KCNA2: variants seen among roughly 807,000 people sequenced by gnomAD.
KCNA2 encodes the protein potassium voltage-gated channel subfamily A member 2.
A neutral mutation model predicts 33.4 loss-of-function variants in KCNA2; 11 were observed. The observed-to-expected ratio is 0.33, with a 90% CI of 0.21 to 0.55. The LOEUF is 0.55. KCNA2 is among the 20% of genes least tolerant of loss of function. KCNA2 has a pLI of 0.93. For missense variants in KCNA2, 291 were observed against 621.6 expected, an observed-to-expected ratio of 0.47 and a Z score of 5.66; for synonymous variants, 222 against 231.3, an observed-to-expected ratio of 0.96 and a Z score of 0.37.
chr1:110,613,619 G>C (rs1421327865), intron 1 of KCNA2, among the ~76,000 whole-genome samples: 3 of 152,224 alleles, frequency 2.0e-5, no homozygotes, highest in Admixed American at 2.0e-4. Context: ...GGGGTCAAGA[G>C]GGAAGACCAG....
At chr1:110,623,950 G>T (rs1187960025) in intron 1 of KCNA2, among the ~76,000 whole-genome samples, 6 of 149,626 alleles carry the variant, frequency 4.0e-5, no homozygotes, top group Non-Finnish European at 7.4e-5. Flanking sequence ...AGCACAAAAA[G>T]ATATCACTAC....
At chr1:110,622,903 T>G (rs1650296096) in intron 1 of KCNA2, among the ~76,000 whole-genome samples, 1 of 152,206 alleles carries the variant, frequency 6.6e-6, no homozygotes, top group Non-Finnish European at 1.5e-5. Context: ...TCACTTCTTC[T>G]TAAATTAATC....
chr1:110,597,428 T>C lies in KCNA2; in HGVS notation c.*5855A>G, dbSNP rs992248395. On this transcript the variant is annotated 3_prime_UTR_variant, in exon 3 of 3. Coordinates refer to ENST00000316361, the MANE Select transcript of KCNA2 (RefSeq NM_004974.4). ...AGGTCACACAAACTTAGGATTTTCA[T>C]GCCTAGAGGTTGTAAGGATGCTGTA... 1 of 985,286 alleles carries C rather than the reference T, an allele frequency of 1.0e-6. No individual in the cohort carries two copies. Among genetic ancestry groups the C allele is most frequent in the African/African-American group, 1.7e-5 (1 of 57,200 alleles). 61.0% of individuals were successfully genotyped at this position (985,286 alleles called of 1,614,324 possible).
At chr1:110,608,447 C>T (rs1019614385), upstream of KCNA2, among the ~76,000 whole-genome samples, 3 of 152,178 alleles carry the variant, frequency 2.0e-5, no homozygotes, top group Admixed American at 1.3e-4. Context: ...ACTGGGCCCT[C>T]CCCCCTACCC....
upstream of KCNA2, among the ~76,000 whole-genome samples, chr1:110,609,509 A>G (rs921070955): frequency 6.6e-6 from 1 of 152,192 alleles, no homozygotes; most frequent in South Asian, 2.1e-4. Context: ...TAGGACTGGA[A>G]TTAGGTCTTT....
rs990612902 is a variant in KCNA2, at chr1:110,603,203, A to G, written c.*80T>C. The G allele has an allele frequency of 1.3e-6, 2 of 1,529,896 alleles. No homozygotes were observed. The highest frequency in any genetic ancestry group is 2.3e-5 in the East Asian group (1 of 44,304). 94.8% of individuals were successfully genotyped at this position (1,529,896 alleles called of 1,614,324 possible). A position where few individuals can be genotyped will look rare whatever the true frequency, so the allele number is the denominator to read the frequency against. Reference sequence around the variant, plus strand: ...ATGCAGAACCAGATACACACTGTAGAACACACTGACTACAATGCAGGCTAT... The same window carrying G: ...ATGCAGAACCAGATACACACTGTAGGACACACTGACTACAATGCAGGCTAT... On this transcript the variant is annotated 3_prime_UTR_variant, in exon 3 of 3. Coordinates refer to ENST00000316361, the MANE Select transcript of KCNA2 (RefSeq NM_004974.4). The surrounding 1 kb of genome is among the most constrained non-coding windows in gnomAD (Gnocchi z 5.7).
At chr1:110,628,579 C>G (rs1650462267) in intron 1 of KCNA2, among the ~76,000 whole-genome samples, 1 of 152,206 alleles carries the variant, frequency 6.6e-6, no homozygotes, top group Admixed American at 6.5e-5. Flanking sequence ...TCTGTACTGC[C>G]TGATGGGGGC....
Position 110,594,302 on chromosome 1 carries a change from T to TATATATAC in KCNA2, c.*8980_*8981insGTATATAT, listed in dbSNP as rs1553180067. On this transcript the variant is annotated 3_prime_UTR_variant, in exon 3 of 3. Transcript: ENST00000316361. ...CTCTCTCTCTCTCTCTCTATATATA[T>TATATATAC]ATATACATATATATATATATGTGTG... The TATATATAC allele has an allele frequency of 1.1e-6, 1 of 907,106 alleles. No individual in the cohort carries two copies. Among genetic ancestry groups the TATATATAC allele is most frequent in the African/African-American group, 1.9e-5 (1 of 51,790 alleles). 56.2% of individuals were successfully genotyped at this position (907,106 alleles called of 1,614,324 possible). A position where few individuals can be genotyped will look rare whatever the true frequency, so the allele number is the denominator to read the frequency against.
chr1:110,626,532 G>T (rs1650396148), intron 1 of KCNA2, among the ~76,000 whole-genome samples: 1 of 152,128 alleles, frequency 6.6e-6, no homozygotes, highest in South Asian at 2.1e-4. Context: ...AGACATCTCA[G>T]TGTGTACCTT....
At position 110,593,907 on chromosome 1, in the gene KCNA2, G is replaced by A; in HGVS notation, c.*9376C>T. The A allele has an allele frequency of 6.5e-7, 1 of 1,550,174 alleles. No homozygotes were observed. On this transcript the variant is annotated 3_prime_UTR_variant, in exon 3 of 3. Coordinates refer to ENST00000316361, the MANE Select transcript of KCNA2 (RefSeq NM_004974.4). ...GAATGATAATATCAATACATCCTGT[G>A]CAATGTAGTTACAGCTGGTGTCTAA...
In KCNA2 at chr1:110,599,547, G is replaced by C. The variant is rs1300211000; in HGVS notation, c.*3736C>G. ...TTGGCCCCTTTGGGCTTATGCACAA[G>C]AGCAAGTGAAATGCCACAAGCAAGT... is the stretch of plus-strand genomic sequence containing the variant. On this transcript the variant is annotated 3_prime_UTR_variant, in exon 3 of 3. Coordinates refer to ENST00000316361, the MANE Select transcript of KCNA2 (RefSeq NM_004974.4). 7 of 985,338 alleles carry C rather than the reference G, an allele frequency of 7.1e-6. No individual in the cohort carries two copies. The highest frequency in any genetic ancestry group is 8.4e-6 in the Non-Finnish European group (7 of 829,952). The allele number at this position is 985,338 out of a possible 1,614,324, so 61.0% of individuals were successfully genotyped here. A position where few individuals can be genotyped will look rare whatever the true frequency, so the allele number is the denominator to read the frequency against.
intron 1 of KCNA2, among the ~76,000 whole-genome samples, chr1:110,615,214 G>A (rs115119107): frequency 6.6e-6 from 1 of 152,130 alleles, no homozygotes; most frequent in East Asian, 1.9e-4. Context: ...AGCAGGGCCC[G>A]CCTGCCACAC....
chr1:110,597,528 G>A lies in KCNA2; in HGVS notation c.*5755C>T, dbSNP rs1291915095. On this transcript the variant is annotated 3_prime_UTR_variant, in exon 3 of 3. Transcript: ENST00000316361. ...CATGGAGACAGAGAGGTGCACACAG[G>A]AAGGAGACAAAGTGACAAAGCCCTC... 8.1e-6 allele frequency: 8 copies of A among 985,186 alleles called. No homozygotes were observed. The highest frequency in any genetic ancestry group is 9.6e-6 in the Non-Finnish European group (8 of 829,844). The allele number at this position is 985,186 out of a possible 1,614,324, so 61.0% of individuals were successfully genotyped here.
At chr1:110,627,359 T>C (rs1325360793) in intron 1 of KCNA2, among the ~76,000 whole-genome samples, 1 of 152,218 alleles carries the variant, frequency 6.6e-6, no homozygotes, top group Admixed American at 6.6e-5. Flanking sequence ...TGTTCAATTA[T>C]TGGCTAGTCA....
intron 1 of KCNA2, among the ~76,000 whole-genome samples, chr1:110,623,096 T>C (rs1650301266): frequency 6.6e-6 from 1 of 152,136 alleles, no homozygotes; most frequent in African/African-American, 2.4e-5. Flanking sequence ...ATAAAAACAA[T>C]GTGGTATTGG....
chr1:110,615,153 C>T (rs1015120411), intron 1 of KCNA2, among the ~76,000 whole-genome samples: 5 of 152,166 alleles, frequency 3.3e-5, no homozygotes, highest in Non-Finnish European at 4.4e-5. Context: ...ATGACTGGCC[C>T]TACTGGAAGT....
chr1:110,605,572 T>G lies in KCNA2; in HGVS notation c.-345A>C, dbSNP rs1649562509. 6.5e-6 allele frequency: 1 copy of G among 152,728 alleles called. No homozygotes were observed. Among genetic ancestry groups the G allele is most frequent in the Admixed American group, 6.5e-5 (1 of 15,282 alleles). 9.5% of individuals were successfully genotyped at this position (152,728 alleles called of 1,614,324 possible). ...CTGGAGGTGAGCTCTAGGATTGGGC[T>G]GGGCTGGAGGGGCGGTGAGGTGCCT... is the stretch of plus-strand genomic sequence containing the variant. On this transcript the variant is annotated 5_prime_UTR_variant, in exon 2 of 3. Transcript: ENST00000316361.
intron 2 of KCNA2, 66 bp from the exon 3 acceptor site, chr1:110,605,011 C>T: frequency 7.5e-6 from 4 of 535,172 alleles, no homozygotes; most frequent in Middle Eastern, 9.6e-4. Flanking sequence ...TGGGTTGCCA[C>T]TTTTTGTCTC....
chr1:110,613,483 TA>T (rs1649949527), intron 1 of KCNA2, among the ~76,000 whole-genome samples: 1 of 152,236 alleles, frequency 6.6e-6, no homozygotes, highest in African/African-American at 2.4e-5. Context: ...GCCCACAGCT[TA>T]ACTGCCTCTC....
Sources: allele counts gnomAD v4.1 joint callset (sites outside exome capture counted in the v4.1 genomes callset), GRCh38; gene constraint gnomAD v4.1.1; non-coding constraint Gnocchi (gnomAD v3.1); transcripts MANE v1.5; gene names NCBI Gene and HGNC (gene_info 2026-07-23, HGNC 2026-07-21).